Variants in DHRS7B observed in about 807,000 individuals in gnomAD.
The protein encoded by DHRS7B is peroxisomal reductase activating PPAR-gamma.
A neutral mutation model predicts 26.4 loss-of-function variants in DHRS7B; 24 were observed. The observed-to-expected ratio is 0.91, with a 90% confidence interval of 0.66 to 1.28. The LOEUF is 1.28. DHRS7B is among the 50% of genes most tolerant of loss of function. DHRS7B has a pLI of 0.00. For synonymous variants in DHRS7B, 142 were observed against 166.4 expected, an observed-to-expected ratio of 0.85 and a Z score of 1.13; for missense variants, 368 against 419.4, an observed-to-expected ratio of 0.88 and a Z score of 1.07.
chr17:21,127,025 A>C, intron 1 of DHRS7B, 34 bp downstream of exon 1: 1 of 1,512,038 alleles, frequency 6.6e-7, no homozygotes, highest in Non-Finnish European at 8.8e-7. Context: ...CTCCGAGATG[A>C]GGCGATAGGG....
intron 6 of DHRS7B, among the ~76,000 whole-genome samples, chr17:21,189,502 G>A (rs1041453714): frequency 1.4e-4 from 21 of 152,198 alleles, no homozygotes; most frequent in Admixed American, 2.0e-4. Flanking sequence ...AACAGGGCCT[G>A]CTCACCCCTC....
intron 1 of DHRS7B, among the ~76,000 whole-genome samples, chr17:21,142,677 C>A (rs1203533990): frequency 6.6e-6 from 1 of 151,982 alleles, no homozygotes; most frequent in Non-Finnish European, 1.5e-5. Context: ...CTCTCCCACC[C>A]CCTCACCCCC....
chr17:21,166,126 G>A (rs974467783), intron 1 of DHRS7B: 113 of 984,684 alleles, frequency 1.1e-4, no homozygotes, highest in Admixed American at 1.8e-4. Context: ...ACCTTTCTCC[G>A]CCCCCCCTCA....
intron 1 of DHRS7B, chr17:21,128,632 G>T (rs1973156319): frequency 6.6e-6 from 1 of 151,296 alleles, no homozygotes; most frequent in African/African-American, 2.4e-5. Flanking sequence ...CCGGATGGCG[G>T]AGCTTGCAGT....
At chr17:21,156,856 T>G (rs1420443680) in intron 1 of DHRS7B, among the ~76,000 whole-genome samples, 2 of 149,408 alleles carry the variant, frequency 1.3e-5, no homozygotes, top group Non-Finnish European at 2.9e-5. Flanking sequence ...GAGGTTGCAG[T>G]GAACTGAGAT....
intron 1 of DHRS7B, among the ~76,000 whole-genome samples, chr17:21,138,911 C>T (rs1973428077): frequency 6.6e-6 from 1 of 152,136 alleles, no homozygotes; most frequent in South Asian, 2.1e-4. Context: ...TATCCCATTA[C>T]ATTTACCTAA....
intron 3 of DHRS7B, 138 bp from the exon 4 acceptor site, chr17:21,183,456 G>T: frequency 1.3e-6 from 1 of 748,744 alleles, no homozygotes; most frequent in Non-Finnish European, 2.2e-6. Flanking sequence ...CTGGTTTTGG[G>T]TTTAGTTTGC....
intron 2 of DHRS7B, among the ~76,000 whole-genome samples, chr17:21,176,038 C>T (rs1482387828): frequency 1.3e-5 from 2 of 152,030 alleles, no homozygotes; most frequent in Admixed American, 1.3e-4. Flanking sequence ...TGCTCTGTCA[C>T]CCAGGCTGGA....
intron 1 of DHRS7B, chr17:21,128,009 C>CTAA (rs1247635247): frequency 6.6e-6 from 1 of 152,192 alleles, no homozygotes; most frequent in Non-Finnish European, 1.5e-5. Flanking sequence ...AGGCACTGTA[C>CTAA]TAATCCCTTT....
intron 3 of DHRS7B, among the ~76,000 whole-genome samples, chr17:21,178,668 T>C (rs1389777869): frequency 6.6e-6 from 1 of 151,708 alleles, no homozygotes; most frequent in Non-Finnish European, 1.5e-5. Flanking sequence ...TTTTTTTTTT[T>C]TTTTTTGGGA....
chr17:21,142,178 G>T (rs1005164713), intron 1 of DHRS7B, among the ~76,000 whole-genome samples: 22 of 152,142 alleles, frequency 1.4e-4, no homozygotes, highest in Non-Finnish European at 2.4e-4. Context: ...CTCTAAGGGG[G>T]TCCACGTGAG....
At chr17:21,183,994 G>A (rs376483612) in intron 4 of DHRS7B, among the ~76,000 whole-genome samples, 184 bp downstream of exon 4, 2 of 152,176 alleles carry the variant, frequency 1.3e-5, no homozygotes. Context: ...GTTCTCTTTA[G>A]TGACAGCCAC....
chr17:21,132,926 CTTAAGAG>C (rs950298372), intron 1 of DHRS7B, among the ~76,000 whole-genome samples: 3 of 152,058 alleles, frequency 2.0e-5, no homozygotes, highest in African/African-American at 7.2e-5. Context: ...ATTTGATGCA[CTTAAGAG>C]TTAAGAATGT....
intron 3 of DHRS7B, among the ~76,000 whole-genome samples, chr17:21,179,879 G>A (rs1974476646): frequency 6.6e-6 from 1 of 150,882 alleles, no homozygotes; most frequent in Admixed American, 6.6e-5. Context: ...CGATTCTCCT[G>A]CCTCAGCCTC....
chr17:21,135,621 G>GT (rs1324724095), intron 1 of DHRS7B, among the ~76,000 whole-genome samples: 2 of 152,090 alleles, frequency 1.3e-5, no homozygotes, highest in Non-Finnish European at 2.9e-5. Flanking sequence ...AATTAAATTT[G>GT]TTTTTTAAAA....
At chr17:21,140,873 G>A (rs960376684) in intron 1 of DHRS7B, among the ~76,000 whole-genome samples, 2 of 152,018 alleles carry the variant, frequency 1.3e-5, no homozygotes, top group African/African-American at 4.8e-5. Context: ...CTCATTCTTC[G>A]ATTATTTGCT....
intron 3 of DHRS7B, among the ~76,000 whole-genome samples, chr17:21,183,042 T>TTG (rs1459957605): frequency 2.6e-5 from 4 of 152,238 alleles, no homozygotes; most frequent in African/African-American, 9.6e-5. Context: ...GGAAGGTTTT[T>TTG]GATTACTGAT....
chr17:21,172,227 CG>C (rs1974271842), intron 2 of DHRS7B, 31 bp downstream of exon 2: 3 of 1,586,662 alleles, frequency 1.9e-6, no homozygotes, highest in Non-Finnish European at 1.7e-6. Context: ...TGCCAGGGGG[CG>C]GGGGTAAGTC....
rs372293070 is a variant in DHRS7B at position 21,183,777 on chromosome 17, A to G, written c.493A>G (p.Thr165Ala). 77 of 1,614,122 alleles carry G rather than the reference A, an allele frequency of 4.8e-5. No homozygotes were observed. The highest frequency in any genetic ancestry group is 1.8e-5 in the Non-Finnish European group (21 of 1,180,050). Reference sequence around the variant, plus strand: ...GGATGTGGACAAGAGGGTCATGGAGACAAACTACTTTGGCCCAGTTGCTCT... The same window carrying G: ...GGATGTGGACAAGAGGGTCATGGAGGCAAACTACTTTGGCCCAGTTGCTCT... ...TVDVDKRVME[T>A]NYFGPVALTK... The change falls in exon 4 of 7, where the codon ACA (threonine) becomes GCA (alanine). Residue 165 changes from threonine (T) to alanine (A), a missense_variant. Coordinates refer to ENST00000395511, the MANE Select transcript of DHRS7B (RefSeq NM_015510.5).
Sources: allele counts gnomAD v4.1 joint callset (sites outside exome capture counted in the v4.1 genomes callset), GRCh38; gene constraint gnomAD v4.1.1; transcripts MANE v1.5; gene names NCBI Gene and HGNC (gene_info 2026-07-23, HGNC 2026-07-21).